The following SHANK2 variants were observed in gnomAD, a reference collection of about 807,000 sequenced individuals.
SHANK2 encodes the protein SH3 and multiple ankyrin repeat domains 2.
Under a neutral mutation model 133.7 loss-of-function variants are expected in SHANK2, and 43 were observed. That is an observed-to-expected ratio of 0.32 (90% CI 0.25 to 0.41). The LOEUF (loss-of-function observed/expected upper bound fraction) is 0.41. Among genes scored for constraint, SHANK2 ranks in the 10% least tolerant of loss-of-function variants. The pLI is 1.00. For missense variants in SHANK2, 1,994 were observed against 2,235.8 expected (o/e 0.89, Z 2.18); for synonymous variants, 1,017 against 952.8 (o/e 1.07, Z -1.24).
intron 7 of SHANK2, 134 bp downstream of exon 7, chr11:71,094,403 T>C: frequency 1.0e-5 from 8 of 800,554 alleles, no homozygotes; most frequent in South Asian, 4.4e-5. Context: ...GCCGGAACAC[T>C]GTGCACGGAC....
intron 17 of SHANK2, among the ~76,000 whole-genome samples, chr11:70,627,013 C>A (rs2060914240): frequency 6.6e-6 from 1 of 152,132 alleles, no homozygotes; most frequent in Non-Finnish European, 1.5e-5. Context: ...GGCTTTGGCG[C>A]AGCCGTGAAG....
chr11:70,583,778 G>A (rs2060213748), intron 17 of SHANK2, among the ~76,000 whole-genome samples: 1 of 152,152 alleles, frequency 6.6e-6, no homozygotes. Flanking sequence ...TGGCCAGAAC[G>A]ATCCTCCGCA....
In SHANK2 at chr11:70,804,406, G is replaced by A. The variant is rs1394917139; in HGVS notation, c.1663+2596C>T. ...TGCCAATTGTGTGCAAATGGCCTGC[G>A]CGGCCCACTCGAATCTCTTTTCAGA... On this transcript the variant is annotated intron_variant, in intron 13 of 25. Transcript: ENST00000601538. This position sits in a 1 kb window ranked among gnomAD's most constrained non-coding sequence, Gnocchi z 4.1. Among the ~76,000 whole-genome samples the A allele has an allele frequency of 1.3e-5, 2 of 152,184 alleles. No homozygotes were observed. The highest frequency in any genetic ancestry group is 4.8e-5 in the African/African-American group (2 of 41,448).
At chr11:70,849,677 A>T (rs569312788) in intron 11 of SHANK2, among the ~76,000 whole-genome samples, 4 of 152,324 alleles carry the variant, frequency 2.6e-5, no homozygotes, top group South Asian at 4.1e-4. Flanking sequence ...TTATGAGGGC[A>T]TTTATGTCAA....
chr11:70,735,562 G>A (rs1035002443), intron 14 of SHANK2, among the ~76,000 whole-genome samples: 3 of 152,146 alleles, frequency 2.0e-5, no homozygotes, highest in Non-Finnish European at 4.4e-5. Flanking sequence ...GAAATAGCTG[G>A]GCGTGGTGGC....
At chr11:71,135,400 A>G (rs1219461148) in intron 3 of SHANK2, among the ~76,000 whole-genome samples, 3 of 151,958 alleles carry the variant, frequency 2.0e-5, no homozygotes, top group African/African-American at 4.8e-5. Flanking sequence ...AGGAGAAGCC[A>G]TGGAGCCATG....
chr11:70,812,627 G>T (rs1373972812), intron 12 of SHANK2, among the ~76,000 whole-genome samples: 1 of 152,192 alleles, frequency 6.6e-6, no homozygotes, highest in Non-Finnish European at 1.5e-5. Flanking sequence ...CCTCCTGCCA[G>T]GTCCCACTCT....
chr11:70,953,325 T>C (rs1400411076), intron 10 of SHANK2, among the ~76,000 whole-genome samples: 1 of 151,888 alleles, frequency 6.6e-6, no homozygotes, highest in Non-Finnish European at 1.5e-5. Context: ...GGGAGTTTTT[T>C]AAGGGAGAAT....
intron 11 of SHANK2, among the ~76,000 whole-genome samples, chr11:70,833,210 G>A (rs1236817000): frequency 1.3e-5 from 2 of 152,370 alleles, no homozygotes; most frequent in African/African-American, 2.4e-5. Flanking sequence ...GCTCCTGCCA[G>A]CGCCTCTGAC....
At chr11:70,695,381 G>A (rs1945371568) in intron 15 of SHANK2, among the ~76,000 whole-genome samples, 1 of 152,192 alleles carries the variant, frequency 6.6e-6, no homozygotes, top group South Asian at 2.1e-4. Flanking sequence ...AAGTACTGGT[G>A]TGTGTCACTG....
chr11:70,840,003 G>A (rs907611299), intron 11 of SHANK2, among the ~76,000 whole-genome samples: 8 of 152,234 alleles, frequency 5.3e-5, no homozygotes, highest in Non-Finnish European at 1.2e-4. Flanking sequence ...AATGTCAAGC[G>A]TGAGGTGGGC....
chr11:71,130,616 T>C (rs1457802164), intron 3 of SHANK2, among the ~76,000 whole-genome samples: 45 of 152,156 alleles, frequency 3.0e-4, no homozygotes, highest in African/African-American at 1.1e-3. Flanking sequence ...ATCTACAACA[T>C]GAGGCTTGGA....
chr11:70,713,272 C>T (rs555684588), intron 14 of SHANK2, among the ~76,000 whole-genome samples: 14 of 152,346 alleles, frequency 9.2e-5, no homozygotes, highest in African/African-American at 2.6e-4. Context: ...TTCAGAGAGC[C>T]GGCTCCGTCT....
At chr11:70,543,899 T>C (rs1383623131) in intron 17 of SHANK2, among the ~76,000 whole-genome samples, 1 of 152,212 alleles carries the variant, frequency 6.6e-6, no homozygotes, top group Non-Finnish European at 1.5e-5. Flanking sequence ...CACCTGCTGG[T>C]GTCCGAGGGA....
At chr11:70,695,369 T>C (rs540993584) in intron 15 of SHANK2, among the ~76,000 whole-genome samples, 1 of 152,128 alleles carries the variant, frequency 6.6e-6, no homozygotes, top group South Asian at 2.1e-4. Flanking sequence ...GGGGAAAGAA[T>C]GAAGTACTGG....
At chr11:70,796,699 T>C (rs1947921990) in intron 14 of SHANK2, among the ~76,000 whole-genome samples, 1 of 152,228 alleles carries the variant, frequency 6.6e-6, no homozygotes, top group Non-Finnish European at 1.5e-5. Context: ...TCAGTGTGAT[T>C]GCTGCCCAGT....
intron 14 of SHANK2, among the ~76,000 whole-genome samples, chr11:70,797,832 TACACACAC>T (rs368707688): frequency 2.5e-4 from 35 of 142,040 alleles, no homozygotes; most frequent in African/African-American, 6.3e-4. Flanking sequence ...TCCACTCTCA[TACACACAC>T]ACACACACAC....
intron 11 of SHANK2, among the ~76,000 whole-genome samples, chr11:70,896,007 C>T (rs782650330): frequency 2.0e-5 from 3 of 152,008 alleles, no homozygotes; most frequent in East Asian, 3.9e-4. Flanking sequence ...CAGTGTCACT[C>T]GAAGTCCATA....
intron 2 of SHANK2, among the ~76,000 whole-genome samples, chr11:71,189,088 T>C (rs1342305150): frequency 6.6e-6 from 1 of 152,168 alleles, no homozygotes; most frequent in Non-Finnish European, 1.5e-5. Flanking sequence ...GGTTGTGAAA[T>C]AGTCACATCT....
Sources: gnomAD v4.1 joint callset for allele counts (sites outside exome capture counted in the v4.1 genomes callset) on GRCh38, gnomAD v4.1.1 for gene constraint, Gnocchi (gnomAD v3.1) non-coding constraint, MANE v1.5 for transcripts, NCBI Gene and HGNC (gene_info 2026-07-23, HGNC 2026-07-21) for gene names.